The following TRIM71 variants were observed in gnomAD, a reference collection of about 807,000 sequenced individuals.
The protein encoded by TRIM71 is tripartite motif containing 71.
In TRIM71, 9 loss-of-function variants were observed where a neutral mutation model predicts 61.2. That is an observed-to-expected ratio of 0.15 (90% CI 0.09 to 0.26). The LOEUF (loss-of-function observed/expected upper bound fraction) is 0.26, where lower values mean the gene tolerates loss of function less well. Among genes scored for constraint, TRIM71 ranks in the 10% least tolerant of loss-of-function variants. The pLI is 1.00. For missense variants in TRIM71, 998 were observed against 1,238.7 expected (o/e 0.81, Z 2.92); for synonymous variants, 645 against 553.2 (o/e 1.17, Z -2.33).
chr3:32,886,164 G>C, intron 3 of TRIM71, 96 bp downstream of exon 3: 1 of 1,406,098 alleles, frequency 7.1e-7, no homozygotes, highest in Non-Finnish European at 9.3e-7. Context: ...CAGGAGCCAA[G>C]CTCTAAGTTT....
At chr3:32,888,532 T>TTTGTTGTTG (rs374711623) in intron 3 of TRIM71, among the ~76,000 whole-genome samples, 6 of 149,798 alleles carry the variant, frequency 4.0e-5, no homozygotes, top group African/African-American at 1.5e-4. Context: ...CCTTTTGCGG[T>TTTGTTGTTG]TTGTTGTTGT....
rs148507712 is a variant in TRIM71, at chr3:32,841,975, A to G, written c.852+23043A>G. Among the ~76,000 whole-genome samples the G allele has an allele frequency of 5.9e-5, 9 of 152,268 alleles. No individual in the cohort carries two copies. The East Asian group carries it at 1.5e-3, about 26-fold the overall frequency. On this transcript the variant is annotated intron_variant, in intron 1 of 3. Transcript: ENST00000383763. ...GGGTGCAGTTCTTGGAACTCACGCC[A>G]TACACCTAGGAACAACTCCACTCGC...
Position 32,818,588 on chromosome 3 carries a change from G to GCGCCGCAGC in TRIM71, c.513_521dup (p.Gln172_Pro174dup), listed in dbSNP as rs1253528347. 20 of 1,304,780 alleles carry GCGCCGCAGC rather than the reference G, an allele frequency of 1.5e-5. No individual in the cohort carries two copies. In the African/African-American group the frequency reaches 2.8e-4, roughly 18 times the overall value. The allele number at this position is 1,304,780 out of a possible 1,614,324, so 80.8% of individuals were successfully genotyped here. ...CGCCTCCGCGCCGCCACTCCCGCAG[G>GCGCCGCAGC]CGCCGCAGCCGCCCGCGCCTTCCCG... On this transcript the variant is annotated inframe_insertion, in exon 1 of 4. Coordinates refer to ENST00000383763, the MANE Select transcript of TRIM71 (RefSeq NM_001039111.3).
At chr3:32,872,233 T>C (rs1450797398) in intron 1 of TRIM71, among the ~76,000 whole-genome samples, 1 of 152,128 alleles carries the variant, frequency 6.6e-6, no homozygotes, top group Non-Finnish European at 1.5e-5. Flanking sequence ...AAACACAATA[T>C]CCTAAATCTT....
rs1435750623 is a variant in TRIM71 at position 32,896,853 on chromosome 3, T to C, written c.*5042T>C. ...GATGTGTGTAGCAAAGTGTTTACTT[T>C]CTTTAAATAACCAGCTCTGTAACTC... On this transcript the variant is annotated 3_prime_UTR_variant, in exon 4 of 4. Coordinates refer to ENST00000383763, the MANE Select transcript of TRIM71 (RefSeq NM_001039111.3). 6.6e-6 allele frequency: 1 copy of C among 152,222 alleles called. No individual in the cohort carries two copies. The highest frequency in any genetic ancestry group is 1.5e-5 in the Non-Finnish European group (1 of 68,050). The allele number at this position is 152,222 out of a possible 1,614,324, so 9.4% of individuals were successfully genotyped here. A position where few individuals can be genotyped will look rare whatever the true frequency, so the allele number is the denominator to read the frequency against.
chr3:32,828,050 G>C (rs1489933739), intron 1 of TRIM71, among the ~76,000 whole-genome samples: 1 of 152,084 alleles, frequency 6.6e-6, no homozygotes, highest in Non-Finnish European at 1.5e-5. Context: ...CTTAAGCACT[G>C]GTGTTTTAGA....
intron 1 of TRIM71, among the ~76,000 whole-genome samples, chr3:32,872,019 C>T (rs547161440): frequency 6.6e-6 from 1 of 152,238 alleles, no homozygotes; most frequent in African/African-American, 2.4e-5. Context: ...TGGCAGGCAC[C>T]TTTAGTCCCA....
intron 1 of TRIM71, among the ~76,000 whole-genome samples, chr3:32,828,326 T>G (rs1180891968): frequency 6.6e-6 from 1 of 152,168 alleles, no homozygotes; most frequent in Admixed American, 6.5e-5. Context: ...ATAGGCAGTC[T>G]TAATCAAGTG....
chr3:32,887,141 A>G (rs1429904821), intron 3 of TRIM71, among the ~76,000 whole-genome samples: 2 of 151,728 alleles, frequency 1.3e-5, no homozygotes, highest in Admixed American at 1.3e-4. Context: ...TTTGTAGTGA[A>G]CTCTGCCACA....
In TRIM71 at chr3:32,818,710, G is replaced by A. The variant is rs1360295886; in HGVS notation, c.630G>A (p.Ser210=). The change falls in exon 1 of 4, where the codon TCG becomes TCA. Residue 210 remains serine (S), a synonymous_variant. Transcript: ENST00000383763. ...GCGATGAGGGCAACGCAGCTTCTTC[G>A]CGCTGCCTCGACTGCCAGGAGCACC... ...SSCDEGNAAS[S]RCLDCQEHLC... 2 of 1,588,154 alleles carry A rather than the reference G, an allele frequency of 1.3e-6. No individual in the cohort carries two copies. The highest frequency in any genetic ancestry group is 1.7e-5 in the Admixed American group (1 of 58,180).
intron 1 of TRIM71, among the ~76,000 whole-genome samples, chr3:32,850,389 A>G (rs920788129): frequency 8.5e-5 from 13 of 152,058 alleles, no homozygotes; most frequent in African/African-American, 3.1e-4. Context: ...TGTTTGACCT[A>G]TTTATGTACT....
Position 32,847,282 on chromosome 3 carries a change from C to G in TRIM71, c.853-26536C>G, listed in dbSNP as rs897546497. On this transcript the variant is annotated intron_variant, in intron 1 of 3. Coordinates refer to ENST00000383763, the MANE Select transcript of TRIM71 (RefSeq NM_001039111.3). The stretch of plus-strand genomic sequence containing the variant: ...CGCAATCTCAGCACACCGCAACCTC[C>G]GCGTCCCGGGTCCAAGTGATTCTCC... Among the ~76,000 whole-genome samples the G allele has an allele frequency of 1.1e-4, 16 of 151,664 alleles. 1 individual carries two copies. Among genetic ancestry groups the G allele is most frequent in the Admixed American group, 1.1e-3 (16 of 15,222 alleles).
chr3:32,832,974 A>C (rs1407853646), intron 1 of TRIM71, among the ~76,000 whole-genome samples: 1 of 151,930 alleles, frequency 6.6e-6, no homozygotes, highest in Non-Finnish European at 1.5e-5. Flanking sequence ...GGAGTTCTAG[A>C]CCAGCCTGGC....
Position 32,891,853 on chromosome 3 carries a change from T to C in TRIM71, c.*42T>C, listed in dbSNP as rs1697029306. 1.3e-6 allele frequency: 1 copy of C among 796,624 alleles called. No homozygotes were observed. The highest frequency in any genetic ancestry group is 4.2e-5 in the East Asian group (1 of 23,780). 49.3% of individuals were successfully genotyped at this position (796,624 alleles called of 1,614,324 possible). ...TCTGTGTTTGGGGTGTGTGTGCGTGTCTCTCTCTCTCTCTCTCTCTTTCTC... is the reference window on the plus strand; with the variant it reads ...TCTGTGTTTGGGGTGTGTGTGCGTGCCTCTCTCTCTCTCTCTCTCTTTCTC... On this transcript the variant is annotated 3_prime_UTR_variant, in exon 4 of 4. Coordinates refer to ENST00000383763, the MANE Select transcript of TRIM71 (RefSeq NM_001039111.3). The surrounding 1 kb of genome is among the most constrained non-coding windows in gnomAD (Gnocchi z 8.2).
At chr3:32,870,412 G>A (rs1696782491) in intron 1 of TRIM71, among the ~76,000 whole-genome samples, 1 of 152,108 alleles carries the variant, frequency 6.6e-6, no homozygotes, top group Non-Finnish European at 1.5e-5. Flanking sequence ...AGCTGTGAAA[G>A]CACTGGCTCT....
intron 1 of TRIM71, among the ~76,000 whole-genome samples, chr3:32,850,898 C>G (rs1696531449): frequency 6.6e-6 from 1 of 152,202 alleles, no homozygotes; most frequent in South Asian, 2.1e-4. Flanking sequence ...TCCACCCCCA[C>G]CACCCACCTC....
chr3:32,866,096 G>A (rs760181973), intron 1 of TRIM71, among the ~76,000 whole-genome samples: 1 of 151,814 alleles, frequency 6.6e-6, no homozygotes, highest in Non-Finnish European at 1.5e-5. Context: ...AAAGTGCTGG[G>A]ATTACAGGCG....
chr3:32,875,464 A>AGGAGAAGAAAAATTGTTCACCCTCTAGG (rs1696844072), intron 2 of TRIM71, among the ~76,000 whole-genome samples: 2 of 152,232 alleles, frequency 1.3e-5, no homozygotes, highest in African/African-American at 4.8e-5. Flanking sequence ...TTCACCCTCT[A>AGGAGAAGAAAAATTGTTCACCCTCTAGG]GGAGAAGAAA....
intron 1 of TRIM71, among the ~76,000 whole-genome samples, chr3:32,847,445 T>A (rs1411860098): frequency 2.0e-5 from 3 of 152,180 alleles, no homozygotes; most frequent in African/African-American, 7.2e-5. Context: ...TCCGCCTGCC[T>A]TGGCCTCCCA....
Sources: gnomAD v4.1 joint callset for allele counts (sites outside exome capture counted in the v4.1 genomes callset) on GRCh38, gnomAD v4.1.1 for gene constraint, Gnocchi (gnomAD v3.1) non-coding constraint, MANE v1.5 for transcripts, NCBI Gene and HGNC (gene_info 2026-07-23, HGNC 2026-07-21) for gene names.